Variants in SLC16A4 observed in about 807,000 individuals in gnomAD.
The protein encoded by SLC16A4 is probable monocarboxylate transporter 5.
A neutral mutation model predicts 47.9 loss-of-function variants in SLC16A4; 39 were observed. The observed-to-expected ratio is 0.81, with a 90% CI of 0.63 to 1.06. SLC16A4 has a LOEUF of 1.06. Among genes scored for constraint, SLC16A4 ranks in the 50% least tolerant of loss-of-function variants. The pLI is 0.00. For missense variants in SLC16A4, 524 were observed against 573.8 expected, an observed-to-expected ratio of 0.91 and a Z score of 0.89; for synonymous variants, 189 against 199.9, an observed-to-expected ratio of 0.95 and a Z score of 0.46.
In SLC16A4 at chr1:110,379,141, G is replaced by A. The variant is rs1196773839; in HGVS notation, c.742C>T (p.Pro248Ser). ...TGTGAGACTGTTAAATTTTTGCTAG[G>A]TAGTCCAGCCTTCTGCGTAGTACTG... ...KDSTTQKAGL[P>S]SKNLTVSQNQ... Residue 248 changes from proline to serine, a missense_variant, in exon 6 of 9, where the codon CCT (proline) becomes TCT (serine). Pro to Ser is a moderately conservative substitution (Grantham distance 74, BLOSUM62 -1). Coordinates refer to ENST00000369779, the MANE Select transcript of SLC16A4 (RefSeq NM_004696.3). The A allele has an allele frequency of 3.7e-6, 6 of 1,614,196 alleles. No individual in the cohort carries two copies. The East Asian group carries it at 1.3e-4, about 36-fold the overall frequency.
chr1:110,378,193 A>G (rs965753748), intron 6 of SLC16A4, among the ~76,000 whole-genome samples: 1 of 152,234 alleles, frequency 6.6e-6, no homozygotes, highest in African/African-American at 2.4e-5. Context: ...ATAAGTGACT[A>G]GCCTTAAAAG....
intron 6 of SLC16A4, among the ~76,000 whole-genome samples, chr1:110,377,667 GT>G (rs748533129): frequency 4.6e-5 from 7 of 152,128 alleles, no homozygotes; most frequent in Non-Finnish European, 1.0e-4. Flanking sequence ...GTCCTCCAAA[GT>G]TTATGCTTAA....
At chr1:110,380,941 A>G (rs1302597008) in intron 5 of SLC16A4, 41 bp downstream of exon 5, 5 of 1,579,900 alleles carry the variant, frequency 3.2e-6, no homozygotes, top group Admixed American at 3.4e-5. Flanking sequence ...TGAACGCTAA[A>G]TCTTGCACAG....
intron 8 of SLC16A4, among the ~76,000 whole-genome samples, chr1:110,366,587 T>G (rs1217361468): frequency 6.6e-6 from 1 of 152,210 alleles, no homozygotes; most frequent in Non-Finnish European, 1.5e-5. Flanking sequence ...ACGAGTATCT[T>G]TCTATGTTTA....
At chr1:110,366,840 G>T (rs1661427220) in intron 8 of SLC16A4, among the ~76,000 whole-genome samples, 2 of 152,162 alleles carry the variant, frequency 1.3e-5, no homozygotes, top group Admixed American at 1.3e-4. Flanking sequence ...GTATTTCCAT[G>T]CAAAATTAGG....
At chr1:110,369,145 G>C (rs1661562245) in intron 8 of SLC16A4, among the ~76,000 whole-genome samples, 1 of 151,836 alleles carries the variant, frequency 6.6e-6, no homozygotes, top group Non-Finnish European at 1.5e-5. Flanking sequence ...AGTAGAGACG[G>C]GGTTTCACTA....
At chr1:110,375,273 G>C in intron 8 of SLC16A4, 185 bp downstream of exon 8, 1 of 594,106 alleles carries the variant, frequency 1.7e-6, no homozygotes, top group South Asian at 2.1e-5. Flanking sequence ...CACATCTTAA[G>C]ATAATACAAG....
At chr1:110,363,914 C>T in intron 8 of SLC16A4, 21 bp from the exon 9 acceptor site, 1 of 1,586,052 alleles carries the variant, frequency 6.3e-7, no homozygotes. Flanking sequence ...GGAATGATTT[C>T]TGTTAGGGAA....
chr1:110,384,303 G>C (rs1228659236), intron 2 of SLC16A4, among the ~76,000 whole-genome samples: 1 of 152,208 alleles, frequency 6.6e-6, no homozygotes, highest in Non-Finnish European at 1.5e-5. Context: ...ACCATAAAAT[G>C]TATCATCCAA....
At chr1:110,382,745 T>C in intron 3 of SLC16A4, 89 bp downstream of exon 3, 1 of 1,277,556 alleles carries the variant, frequency 7.8e-7, no homozygotes, top group South Asian at 2.3e-5. Flanking sequence ...TTTTAGAAAC[T>C]GAATTCCTAT....
At chr1:110,375,039 C>T (rs1442239395) in intron 8 of SLC16A4, 10 of 157,724 alleles carry the variant, frequency 6.3e-5, no homozygotes, top group Non-Finnish European at 4.2e-5. Context: ...TGTCTGTTGC[C>T]CAGGCTGGTC....
chr1:110,365,347 T>C (rs1045448557), intron 8 of SLC16A4, among the ~76,000 whole-genome samples: 1 of 152,016 alleles, frequency 6.6e-6, no homozygotes, highest in African/African-American at 2.4e-5. Flanking sequence ...TGTTCTGTTA[T>C]GGACACAGAG....
chr1:110,375,245 A>G (rs980248484), intron 8 of SLC16A4: 13 of 505,750 alleles, frequency 2.6e-5, no homozygotes, highest in Middle Eastern at 5.3e-4. Context: ...TCCCAAGAAT[A>G]TAAGAATCTG....
chr1:110,365,972 T>G (rs1335551829), intron 8 of SLC16A4, among the ~76,000 whole-genome samples: 1 of 152,044 alleles, frequency 6.6e-6, no homozygotes, highest in African/African-American at 2.4e-5. Flanking sequence ...TTAAAATTTC[T>G]TGTAGAGACT....
rs1216276607 is a variant in SLC16A4 at position 110,363,320 on chromosome 1, CAAG to C, written c.*443_*445del. The C allele has an allele frequency of 1.3e-5, 2 of 152,232 alleles. No individual in the cohort carries two copies. Among genetic ancestry groups the C allele is most frequent in the East Asian group, 3.8e-4 (2 of 5,204 alleles). The allele number at this position is 152,232 out of a possible 1,614,324, so 9.4% of individuals were successfully genotyped here. Reference sequence around the variant, plus strand: ...TTAGACATTTCTCAGAATGCTAAAGCAAGAAGGAACCTTAAAAACTTATCTGGC... The same window carrying C: ...TTAGACATTTCTCAGAATGCTAAAGCAAGGAACCTTAAAAACTTATCTGGC... On this transcript the variant is annotated 3_prime_UTR_variant, in exon 9 of 9. Coordinates refer to ENST00000369779, the MANE Select transcript of SLC16A4 (RefSeq NM_004696.3).
chr1:110,387,897 T>TA (rs1662817457), intron 2 of SLC16A4, among the ~76,000 whole-genome samples: 1 of 72,598 alleles, frequency 1.4e-5, no homozygotes, highest in African/African-American at 5.5e-5. Flanking sequence ...AAGAGTTTTG[T>TA]ATTACATAAA....
At chr1:110,390,451 GT>G (rs555888610) in intron 1 of SLC16A4, among the ~76,000 whole-genome samples, 4 of 152,262 alleles carry the variant, frequency 2.6e-5, no homozygotes, top group Non-Finnish European at 5.9e-5. Flanking sequence ...AAAAAAAGTT[GT>G]AAAAGACAGT....
In SLC16A4 at chr1:110,389,400, T is replaced by A. The variant is rs1298873185; in HGVS notation, c.-32-45A>T. 3 of 1,159,062 alleles carry A rather than the reference T, an allele frequency of 2.6e-6. No homozygotes were observed. The African/African-American group carries it at 4.6e-5, about 18-fold the overall frequency. 71.8% of individuals were successfully genotyped at this position (1,159,062 alleles called of 1,614,324 possible). ...GTTGATTCAGTGGACCAGAAACTAA[T>A]CTAAACTTTTAAACTTTTTATCTGA... is the stretch of plus-strand genomic sequence containing the variant. On this transcript the variant is annotated intron_variant, in intron 1 of 8. Transcript: ENST00000369779.
intron 8 of SLC16A4, among the ~76,000 whole-genome samples, chr1:110,367,044 G>C (rs1027979259): frequency 1.3e-5 from 2 of 152,198 alleles, no homozygotes; most frequent in African/African-American, 4.8e-5. Flanking sequence ...GTAGGATGCA[G>C]AAATATACAT....
Sources: allele counts gnomAD v4.1 joint callset (sites outside exome capture counted in the v4.1 genomes callset), GRCh38; gene constraint gnomAD v4.1.1; transcripts MANE v1.5; gene names NCBI Gene and HGNC (gene_info 2026-07-23, HGNC 2026-07-21).